The following FBXO42 variants were observed in gnomAD, a reference collection of about 807,000 sequenced individuals.
FBXO42 encodes the protein F-box only protein 42.
In FBXO42, 12 loss-of-function variants were observed where a neutral mutation model predicts 71.7. That is an observed-to-expected ratio of 0.17 (90% CI 0.11 to 0.27). FBXO42 has a LOEUF of 0.27. Among genes scored for constraint, FBXO42 ranks in the 10% least tolerant of loss-of-function variants. The pLI, the probability that FBXO42 is intolerant of heterozygous loss-of-function variation, is 1.00. For missense variants in FBXO42, 707 were observed against 911.9 expected (o/e 0.78, Z 2.89); for synonymous variants, 325 against 327.5 (o/e 0.99, Z 0.08).
Position 16,251,646 on chromosome 1 carries a change from G to A in FBXO42, c.1178C>T (p.Ser393Phe). 9 of 1,614,182 alleles carry A rather than the reference G, an allele frequency of 5.6e-6. No homozygotes were observed. The highest frequency in any genetic ancestry group is 7.6e-6 in the Non-Finnish European group (9 of 1,180,046). ...AGCTTCATCCATGCTTCTTACTGGA[G>A]ACTGAGAGCGGTACTCTCGGGTTTC... is the stretch of plus-strand genomic sequence containing the variant. Reference protein sequence around the residue: ...VPETREYRSQSPVRSMDEAPC... With the variant: ...VPETREYRSQFPVRSMDEAPC... Residue 393 changes from serine (S) to phenylalanine (F), a missense_variant, in exon 10 of 10, where the codon TCT becomes TTT. This residue lies in a region of FBXO42 where 482 missense variants were observed against 587.1 expected (regional missense o/e 0.82). Transcript: ENST00000375592. This position sits in a 1 kb window ranked among gnomAD's most constrained non-coding sequence, Gnocchi z 4.5.
intron 3 of FBXO42, among the ~76,000 whole-genome samples, chr1:16,302,408 T>C (rs2082204406): frequency 6.6e-6 from 1 of 152,192 alleles, no homozygotes; most frequent in South Asian, 2.1e-4. Flanking sequence ...CAGTTCCACA[T>C]GGCTGGAGAG....
Position 16,320,661 on chromosome 1 carries a change from A to ATT in FBXO42, c.-17-5228_-17-5227dup, listed in dbSNP as rs534488238. Among the ~76,000 whole-genome samples the ATT allele has an allele frequency of 5.3e-4, 77 of 144,626 alleles. 1 individual carries two copies. Among genetic ancestry groups the ATT allele is most frequent in the Middle Eastern group, 3.5e-3 (1 of 282 alleles). The allele number at this position is 144,626 out of a possible 152,430, so 94.9% of individuals were successfully genotyped here. On this transcript the variant is annotated intron_variant, in intron 1 of 9. Coordinates refer to ENST00000375592, the MANE Select transcript of FBXO42 (RefSeq NM_018994.3). ...TGGCGCACATCACTATGCCCAGCTAATTTTTTTTTTTTTTGAGATGGGAGT... is the reference window on the plus strand; with the variant it reads ...TGGCGCACATCACTATGCCCAGCTAATTTTTTTTTTTTTTTTGAGATGGGAGT...
At chr1:16,321,545 G>A (rs748570308) in intron 1 of FBXO42, among the ~76,000 whole-genome samples, 4 of 152,164 alleles carry the variant, frequency 2.6e-5, no homozygotes, top group East Asian at 3.9e-4. Flanking sequence ...CTTCCCCAAC[G>A]TGACTGAATG....
intron 1 of FBXO42, among the ~76,000 whole-genome samples, chr1:16,336,014 C>G (rs2100619586): frequency 6.6e-6 from 1 of 152,038 alleles, no homozygotes; most frequent in East Asian, 1.9e-4. Flanking sequence ...TCATTGCAAC[C>G]TCACTGAACA....
In FBXO42 at chr1:16,247,494, G is replaced by A. The variant is rs1029400450; in HGVS notation, c.*3176C>T. ...ATCTCTTTGTTCTCCATTGGCTGGT[G>A]GCTTTCTGTCCTCCAAAGTCAAGGC... On this transcript the variant is annotated 3_prime_UTR_variant, in exon 10 of 10. Transcript: ENST00000375592. 6.6e-6 allele frequency: 1 copy of A among 152,172 alleles called. No individual in the cohort carries two copies. The highest frequency in any genetic ancestry group is 2.4e-5 in the African/African-American group (1 of 41,426). The allele number at this position is 152,172 out of a possible 1,614,324, so 9.4% of individuals were successfully genotyped here.
Position 16,325,926 on chromosome 1 carries a change from G to A in FBXO42, c.-17-10491C>T, listed in dbSNP as rs114163260. Among the ~76,000 whole-genome samples, 1,308 of 151,164 alleles carry A rather than the reference G, an allele frequency of 8.7e-3. 18 individuals carry two copies. Among genetic ancestry groups the A allele is most frequent in the African/African-American group, 0.03 (1,217 of 41,228 alleles). On this transcript the variant is annotated intron_variant, in intron 1 of 9. Transcript: ENST00000375592. ...CAGGCGTGAGCCACCACACCTGGCC[G>A]AAAATTTCATATGGAGAACCATACG... is the stretch of plus-strand genomic sequence containing the variant.
chr1:16,285,515 G>C (rs1233419364), intron 4 of FBXO42, among the ~76,000 whole-genome samples: 1 of 152,012 alleles, frequency 6.6e-6, no homozygotes, highest in Non-Finnish European at 1.5e-5. Flanking sequence ...CTCCTGATCT[G>C]CCTGCCTTGG....
chr1:16,282,569 G>A (rs1049183587), intron 4 of FBXO42, among the ~76,000 whole-genome samples: 1 of 151,658 alleles, frequency 6.6e-6, no homozygotes, highest in Non-Finnish European at 1.5e-5. Flanking sequence ...CCATGACCAG[G>A]TGCAGTGGCT....
intron 3 of FBXO42, among the ~76,000 whole-genome samples, chr1:16,295,810 GT>G (rs1197114630): frequency 1.3e-5 from 2 of 152,208 alleles, no homozygotes; most frequent in East Asian, 3.8e-4. Context: ...CCAAAGGCCA[GT>G]GGGGGAAACT....
chr1:16,276,247 G>A (rs2081901398), intron 4 of FBXO42, among the ~76,000 whole-genome samples: 1 of 151,960 alleles, frequency 6.6e-6, no homozygotes, highest in Non-Finnish European at 1.5e-5. Context: ...GGGCATGGTG[G>A]CATGCACCTG....
chr1:16,255,857 G>C, intron 5 of FBXO42, 36 bp from the exon 6 acceptor site: 1 of 1,450,088 alleles, frequency 6.9e-7, no homozygotes, highest in Non-Finnish European at 9.6e-7. Flanking sequence ...CAAGAAGTCA[G>C]CACCACACAC....
intron 4 of FBXO42, among the ~76,000 whole-genome samples, chr1:16,283,504 T>TTTG (rs1397389291): frequency 3.6e-5 from 5 of 137,924 alleles, no homozygotes; most frequent in African/African-American, 1.4e-4. Context: ...GTTTTTTTTT[T>TTTG]TTTTTTTTTT....
At chr1:16,301,858 C>T (rs1209704029) in intron 3 of FBXO42, among the ~76,000 whole-genome samples, 9 of 151,954 alleles carry the variant, frequency 5.9e-5, no homozygotes, top group Non-Finnish European at 2.9e-5. Context: ...GTCTCAAACA[C>T]CTGGGCTCAA....
chr1:16,270,061 G>A (rs2100470207), intron 4 of FBXO42, among the ~76,000 whole-genome samples: 1 of 152,090 alleles, frequency 6.6e-6, no homozygotes, highest in South Asian at 2.1e-4. Context: ...TCATCATGTT[G>A]CTTAGGTTCA....
At chr1:16,306,707 AT>A (rs200691798) in intron 2 of FBXO42, among the ~76,000 whole-genome samples, 4,042 of 151,856 alleles carry the variant, frequency 0.027, 183 homozygotes, top group African/African-American at 0.091. Flanking sequence ...TTGTTTATTT[AT>A]TTTTTTCTTT....
At chr1:16,348,663 T>C (rs1199130934) in intron 1 of FBXO42, among the ~76,000 whole-genome samples, 1 of 152,120 alleles carries the variant, frequency 6.6e-6, no homozygotes, top group Non-Finnish European at 1.5e-5. Flanking sequence ...ATTGCGCCAC[T>C]GCACTCCAGC....
intron 2 of FBXO42, among the ~76,000 whole-genome samples, chr1:16,311,942 T>C (rs923816471): frequency 6.6e-5 from 10 of 152,100 alleles, no homozygotes; most frequent in Non-Finnish European, 1.3e-4. Context: ...TTATTAATAA[T>C]TGTAAAATCT....
At chr1:16,303,305 A>G (rs2082215927) in intron 3 of FBXO42, among the ~76,000 whole-genome samples, 1 of 152,208 alleles carries the variant, frequency 6.6e-6, no homozygotes, top group African/African-American at 2.4e-5. Flanking sequence ...GTATTTCCCA[A>G]CAGGAGCTCT....
In FBXO42 at chr1:16,325,362, T is replaced by A. The variant is rs9919163; in HGVS notation, c.-17-9927A>T. Among the ~76,000 whole-genome samples the A allele has an allele frequency of 6.0e-3, 907 of 152,260 alleles. 7 individuals are homozygous for A. Among genetic ancestry groups the A allele is most frequent in the African/African-American group, 0.021 (870 of 41,560 alleles). Reference sequence around the variant, plus strand: ...TTTTAAATTCTACATTAACGAAGCATATAATCTAGAGACTCCTTATTATTG... The same window carrying A: ...TTTTAAATTCTACATTAACGAAGCAAATAATCTAGAGACTCCTTATTATTG... On this transcript the variant is annotated intron_variant, in intron 1 of 9. Transcript: ENST00000375592.
Sources: gnomAD v4.1 joint callset for allele counts (sites outside exome capture counted in the v4.1 genomes callset) on GRCh38, gnomAD v4.1.1 for gene constraint, gnomAD v4.1.1 regional missense constraint, Gnocchi (gnomAD v3.1) non-coding constraint, MANE v1.5 for transcripts, NCBI Gene and HGNC (gene_info 2026-07-23, HGNC 2026-07-21) for gene names.